Variants in SIRT1 observed in about 807,000 individuals in gnomAD.
The protein encoded by SIRT1 is sirtuin 1.
SIRT1 carries 24 observed loss-of-function variants against 67.9 expected under a neutral mutation model. The observed-to-expected ratio is 0.35, with a 90% CI of 0.26 to 0.50. The LOEUF is 0.50. SIRT1 is among the 20% of genes least tolerant of loss of function. SIRT1 has a pLI of 0.98. For synonymous variants in SIRT1, 378 were observed against 350.7 expected, an observed-to-expected ratio of 1.08 and a Z score of -0.87; for missense variants, 873 against 937.2, an observed-to-expected ratio of 0.93 and a Z score of 0.89.
In SIRT1 at chr10:67,912,762, C is replaced by G. The variant is rs373331174; in HGVS notation, c.1646C>G (p.Ser549Cys). The G allele has an allele frequency of 1.9e-6, 3 of 1,614,010 alleles. No individual in the cohort carries two copies. In the African/African-American group the frequency reaches 4.0e-5, roughly 22 times the overall value. ...CCAGAAAGAACTTCACCACCAGATT[C>G]TTCAGTGATTGTCACACTTTTAGAC... ...SSPERTSPPD[S>C]SVIVTLLDQA... The change falls in exon 8 of 9, where the codon TCT becomes TGT. Residue 549 changes from serine (S) to cysteine (C), a missense_variant. Physicochemically the swap from Ser to Cys is moderately radical, Grantham distance 112. Around this residue, in one of 3 missense-constraint regions of SIRT1, gnomAD observed 295 missense variants for 294.5 expected, o/e 1.00. Transcript: ENST00000212015.
At chr10:67,899,729 T>C (rs544637419) in intron 4 of SIRT1, among the ~76,000 whole-genome samples, 1 of 152,260 alleles carries the variant, frequency 6.6e-6, no homozygotes, top group South Asian at 2.1e-4. Flanking sequence ...CTCCTATTGA[T>C]AGGTATCTGC....
intron 4 of SIRT1, among the ~76,000 whole-genome samples, chr10:67,895,753 T>G (rs1033532853): frequency 9.1e-5 from 13 of 142,758 alleles, no homozygotes; most frequent in African/African-American, 3.3e-4. Flanking sequence ...TTTTTGTTTT[T>G]TTTTTTTGAG....
intron 7 of SIRT1, among the ~76,000 whole-genome samples, chr10:67,909,905 T>G (rs528978099): frequency 6.6e-6 from 1 of 151,836 alleles, no homozygotes; most frequent in African/African-American, 2.4e-5. Context: ...AGAGATGAGG[T>G]CTTGTTGTGT....
chr10:67,909,438 T>C lies in SIRT1; in HGVS notation c.1353T>C (p.Ile451=). ...TCAAAGTAAGACCAGTAGCACTAAT[T>C]CCAAGTAAGTTGGTGATGGTTTTTG... ...SSLKVRPVAL[I]PSSIPHEVPQ... The change falls in exon 7 of 9, where the codon ATT becomes ATC. Residue 451 remains isoleucine (I), a synonymous_variant. Transcript: ENST00000212015. The C allele has an allele frequency of 6.2e-7, 1 of 1,601,244 alleles. No homozygotes were observed. Among genetic ancestry groups the C allele is most frequent in the Non-Finnish European group, 8.5e-7 (1 of 1,176,410 alleles).
Position 67,909,454 on chromosome 10 carries a change from A to G in SIRT1, c.1357+12A>G. On this transcript the variant is annotated intron_variant, in intron 7 of 8. Coordinates refer to ENST00000212015, the MANE Select transcript of SIRT1 (RefSeq NM_012238.5). The stretch of plus-strand genomic sequence containing the variant: ...AGCACTAATTCCAAGTAAGTTGGTG[A>G]TGGTTTTTGGAGAACATTTCTATAT... 1.3e-6 allele frequency: 2 copies of G among 1,595,366 alleles called. No homozygotes were observed. Among genetic ancestry groups the G allele is most frequent in the South Asian group, 2.3e-5 (2 of 87,616 alleles).
chr10:67,914,110 C>T (rs920838636), intron 8 of SIRT1, among the ~76,000 whole-genome samples: 2 of 129,066 alleles, frequency 1.5e-5, no homozygotes, highest in Non-Finnish European at 3.1e-5. Flanking sequence ...CTCACTCTGT[C>T]GCCCAGGCTG....
At chr10:67,901,921 CT>C (rs1328466515) in intron 4 of SIRT1, among the ~76,000 whole-genome samples, 3 of 152,232 alleles carry the variant, frequency 2.0e-5, no homozygotes, top group Admixed American at 6.5e-5. Flanking sequence ...ACTTCACATA[CT>C]TTTTTTTGGT....
intron 1 of SIRT1, 96 bp downstream of exon 1, chr10:67,885,247 C>T: frequency 1.6e-6 from 2 of 1,254,544 alleles, no homozygotes; most frequent in Non-Finnish European, 2.0e-6. Flanking sequence ...GGGCTCGGGG[C>T]AGGCTCCGCG....
At position 67,916,712 on chromosome 10, in the gene SIRT1, T is replaced by C. The variant is rs1436505362; in HGVS notation, c.*119T>C. 16 of 713,990 alleles carry C rather than the reference T, an allele frequency of 2.2e-5. 1 individual carries two copies. The highest frequency in any genetic ancestry group is 4.1e-4 in the Middle Eastern group (1 of 2,468). The allele number at this position is 713,990 out of a possible 1,614,324, so 44.2% of individuals were successfully genotyped here. A position where few individuals can be genotyped will look rare whatever the true frequency, so the allele number is the denominator to read the frequency against. On this transcript the variant is annotated 3_prime_UTR_variant, in exon 9 of 9. Transcript: ENST00000212015. ...GGAAACCAGAAAGGTGTAATATTTA[T>C]AGGTTGGTAAAATAGATTGTTTTTC... is the stretch of plus-strand genomic sequence containing the variant.
At chr10:67,903,541 G>A (rs1337546348) in intron 4 of SIRT1, among the ~76,000 whole-genome samples, 2 of 151,946 alleles carry the variant, frequency 1.3e-5, no homozygotes, top group African/African-American at 4.8e-5. Flanking sequence ...CCGCCACCAT[G>A]CCCAGCTAAT....
At chr10:67,892,521 AT>A (rs2131854169) in intron 4 of SIRT1, among the ~76,000 whole-genome samples, 1 of 152,192 alleles carries the variant, frequency 6.6e-6, no homozygotes, top group African/African-American at 2.4e-5. Context: ...TGAGTGAACC[AT>A]GATCTGCCAT....
In SIRT1 at chr10:67,908,713, C is replaced by G. The variant is rs184051814; in HGVS notation, c.1171-543C>G. 6.1e-3 allele frequency among the ~76,000 whole-genome samples: 927 copies of G among 152,212 alleles called. 13 individuals carry two copies. Among genetic ancestry groups the G allele is most frequent in the African/African-American group, 0.021 (863 of 41,534 alleles). ...GAGGTCAGAAGTGAGACCAGCCTGG[C>G]CAACATGGCAAAACCCCGTCTCTCT... On this transcript the variant is annotated intron_variant, in intron 6 of 8. Coordinates refer to ENST00000212015, the MANE Select transcript of SIRT1 (RefSeq NM_012238.5).
intron 7 of SIRT1, among the ~76,000 whole-genome samples, chr10:67,909,720 G>A (rs34478751): frequency 5.3e-5 from 8 of 151,948 alleles, no homozygotes; most frequent in East Asian, 1.9e-4. Flanking sequence ...GATCACAGGC[G>A]TCCACCAACA....
At chr10:67,891,158 A>C (rs896524193) in intron 3 of SIRT1, among the ~76,000 whole-genome samples, 2 of 152,174 alleles carry the variant, frequency 1.3e-5, no homozygotes, top group African/African-American at 2.4e-5. Flanking sequence ...AAGGCTTAAA[A>C]TTGGCCTGAC....
chr10:67,910,035 G>A (rs980745800), intron 7 of SIRT1, among the ~76,000 whole-genome samples: 8 of 152,040 alleles, frequency 5.3e-5, no homozygotes, highest in Non-Finnish European at 1.2e-4. Context: ...AGGTGGCATT[G>A]TTCATTGAGA....
chr10:67,892,632 T>G (rs564732319), intron 4 of SIRT1, among the ~76,000 whole-genome samples: 2 of 152,034 alleles, frequency 1.3e-5, no homozygotes, highest in Non-Finnish European at 2.9e-5. Context: ...GAAGTAGTCT[T>G]CCTTTGTCCC....
chr10:67,909,695 C>T (rs1315620549), intron 7 of SIRT1, among the ~76,000 whole-genome samples: 1 of 152,108 alleles, frequency 6.6e-6, no homozygotes, highest in African/African-American at 2.4e-5. Context: ...CTGCCTCAGC[C>T]TTCTGAGTAG....
chr10:67,892,487 C>G (rs949705528), intron 4 of SIRT1, among the ~76,000 whole-genome samples: 4 of 152,162 alleles, frequency 2.6e-5, no homozygotes, highest in Non-Finnish European at 5.9e-5. Flanking sequence ...GTGGGAAGAT[C>G]CCTTGAGCTC....
chr10:67,899,101 C>T (rs557945568), intron 4 of SIRT1, among the ~76,000 whole-genome samples: 1 of 152,092 alleles, frequency 6.6e-6, no homozygotes, highest in South Asian at 2.1e-4. Flanking sequence ...CAAAGTTCTT[C>T]TTTAAGCCTT....
Sources: gnomAD v4.1 joint callset for allele counts (sites outside exome capture counted in the v4.1 genomes callset) on GRCh38, gnomAD v4.1.1 for gene constraint, gnomAD v4.1.1 regional missense constraint, MANE v1.5 for transcripts, NCBI Gene and HGNC (gene_info 2026-07-23, HGNC 2026-07-21) for gene names.